AGMO: variants seen among roughly 807,000 people sequenced by gnomAD.
The protein encoded by AGMO is glyceryl-ether monooxygenase.
Under a neutral mutation model 60.2 loss-of-function variants are expected in AGMO, and 75 were observed. That is an observed-to-expected ratio of 1.25 (90% CI 1.03 to 1.51). The LOEUF (loss-of-function observed/expected upper bound fraction) is 1.51, where lower values mean the gene tolerates loss of function less well. AGMO is among the 40% of genes most tolerant of loss of function. The pLI is 0.00. For missense variants in AGMO, 763 were observed against 525.5 expected, an observed-to-expected ratio of 1.45 and a Z score of -4.42; for synonymous variants, 261 against 177.1, an observed-to-expected ratio of 1.47 and a Z score of -3.76.
At chr7:15,311,326 T>G (rs1434994741) in intron 12 of AGMO, among the ~76,000 whole-genome samples, 1 of 152,130 alleles carries the variant, frequency 6.6e-6, no homozygotes, top group Admixed American at 6.6e-5. Context: ...TTTTGACATT[T>G]TCACTTAGAA....
At chr7:15,507,495 T>G (rs938985440) in intron 3 of AGMO, among the ~76,000 whole-genome samples, 4 of 152,018 alleles carry the variant, frequency 2.6e-5, no homozygotes, top group African/African-American at 4.8e-5. Context: ...CAACAAAACC[T>G]AGATAGCTGG....
intron 3 of AGMO, among the ~76,000 whole-genome samples, chr7:15,507,259 A>G (rs908906929): frequency 6.6e-6 from 1 of 152,084 alleles, no homozygotes; most frequent in Non-Finnish European, 1.5e-5. Context: ...CAATGACTGG[A>G]AAATTATCAA....
chr7:15,390,350 T>A (rs1264976863), intron 8 of AGMO, among the ~76,000 whole-genome samples: 1 of 152,212 alleles, frequency 6.6e-6, no homozygotes, highest in Non-Finnish European at 1.5e-5. Context: ...TCAGCCTTAA[T>A]TATACATGTT....
intron 9 of AGMO, 29 bp downstream of exon 9, chr7:15,387,377 C>G: frequency 3.1e-6 from 5 of 1,604,772 alleles, no homozygotes; most frequent in Non-Finnish European, 4.3e-6. Context: ...ACAATCTTCA[C>G]CATCTCCAAT....
chr7:15,392,811 C>A (rs202041650), intron 6 of AGMO, among the ~76,000 whole-genome samples: 13 of 84,138 alleles, frequency 1.5e-4, no homozygotes, highest in Non-Finnish European at 2.3e-4. Context: ...AACAAACAAA[C>A]AAACAAACAA....
intron 3 of AGMO, among the ~76,000 whole-genome samples, chr7:15,446,509 G>A (rs10215523): frequency 0.8 from 121,699 of 151,780 alleles, 49,824 homozygotes; most frequent in African/African-American, 0.88. Flanking sequence ...TACCCAAATT[G>A]CATTCTTCTG....
In AGMO at chr7:15,200,519, A is replaced by C. The variant is rs1225711194; in HGVS notation, c.*766T>G. ...GTGATGTCTTTTTTCTTTGAGACGG[A>C]GTCTCGCTCTGTCGCCCAGGCTGGA... On this transcript the variant is annotated 3_prime_UTR_variant, in exon 13 of 13. Transcript: ENST00000342526. The C allele has an allele frequency of 6.6e-6, 1 of 152,162 alleles. No individual in the cohort carries two copies. Among genetic ancestry groups the C allele is most frequent in the Non-Finnish European group, 1.5e-5 (1 of 68,042 alleles). The allele number at this position is 152,162 out of a possible 1,614,324, so 9.4% of individuals were successfully genotyped here.
intron 10 of AGMO, among the ~76,000 whole-genome samples, chr7:15,371,509 G>A (rs906300223): frequency 6.6e-6 from 1 of 152,170 alleles, no homozygotes; most frequent in Middle Eastern, 3.4e-3. Flanking sequence ...ACCTGCCTCA[G>A]CCTCCCTAGT....
chr7:15,438,391 T>C (rs1781458570), intron 3 of AGMO, among the ~76,000 whole-genome samples: 1 of 152,208 alleles, frequency 6.6e-6, no homozygotes, highest in Non-Finnish European at 1.5e-5. Context: ...GATATTTATA[T>C]AGTTTCCATT....
chr7:15,394,241 A>C (rs1261607207), intron 5 of AGMO, 62 bp from the exon 6 acceptor site: 2 of 1,190,330 alleles, frequency 1.7e-6, no homozygotes, highest in Non-Finnish European at 2.5e-6. Flanking sequence ...TTAGTATATA[A>C]ATGCTCACAT....
chr7:15,157,378 T>C, the AGMO span, among the ~76,000 whole-genome samples: 3 of 152,184 alleles, frequency 2.0e-5, no homozygotes, highest in Non-Finnish European at 4.4e-5. Flanking sequence ...GGGCAGAGTA[T>C]GTGTTATGTA....
chr7:15,257,971 G>A (rs1404962821), intron 12 of AGMO, among the ~76,000 whole-genome samples: 6 of 152,192 alleles, frequency 3.9e-5, no homozygotes, highest in Admixed American at 1.3e-4. Context: ...AACCAAAACC[G>A]CATTTTCAAT....
chr7:15,372,174 G>A (rs914906204), intron 10 of AGMO, among the ~76,000 whole-genome samples: 2 of 152,110 alleles, frequency 1.3e-5, no homozygotes, highest in African/African-American at 4.8e-5. Context: ...CATGCGGCTG[G>A]GTGTGGTGGC....
chr7:15,504,406 G>C (rs1273824786), intron 3 of AGMO, among the ~76,000 whole-genome samples: 1 of 151,940 alleles, frequency 6.6e-6, no homozygotes, highest in Non-Finnish European at 1.5e-5. Context: ...TAAGAAGCAA[G>C]CCTTTAATCT....
chr7:15,292,737 CTCCT>C (rs1369345155), intron 12 of AGMO, among the ~76,000 whole-genome samples: 2 of 146,852 alleles, frequency 1.4e-5, no homozygotes, highest in Admixed American at 1.4e-4. Context: ...ATACAGTCTC[CTCCT>C]TTTTTTTTCC....
intron 4 of AGMO, among the ~76,000 whole-genome samples, chr7:15,430,657 T>C (rs1395697070): frequency 6.7e-6 from 1 of 149,496 alleles, no homozygotes. Flanking sequence ...CTGGTAAAAG[T>C]TTTTACTGAA....
At chr7:15,540,096 A>G (rs1784586571) in intron 3 of AGMO, among the ~76,000 whole-genome samples, 1 of 152,152 alleles carries the variant, frequency 6.6e-6, no homozygotes, top group Non-Finnish European at 1.5e-5. Context: ...ATGTTACAGA[A>G]GTAGCAACCA....
At chr7:15,270,842 T>C (rs1463141679) in intron 12 of AGMO, among the ~76,000 whole-genome samples, 5 of 151,710 alleles carry the variant, frequency 3.3e-5, no homozygotes, top group Non-Finnish European at 5.9e-5. Context: ...TTTTTGTAAA[T>C]GGTGAGAAAC....
chr7:15,180,815 G>C, the AGMO span, among the ~76,000 whole-genome samples: 1 of 152,056 alleles, frequency 6.6e-6, no homozygotes, highest in African/African-American at 2.4e-5. Context: ...TCACAGACTG[G>C]GTAATTTATA....
Sources: gnomAD v4.1 joint callset for allele counts (sites outside exome capture counted in the v4.1 genomes callset) on GRCh38, gnomAD v4.1.1 for gene constraint, MANE v1.5 for transcripts, NCBI Gene and HGNC (gene_info 2026-07-23, HGNC 2026-07-21) for gene names.